MBOAT1: variants seen among roughly 807,000 people sequenced by gnomAD.
MBOAT1 encodes membrane bound glycerophospholipid O-acyltransferase 1.
Under a neutral mutation model 64.4 loss-of-function variants are expected in MBOAT1, and 67 were observed. The observed-to-expected ratio is 1.04, with a 90% CI of 0.85 to 1.27. The LOEUF is 1.27. Ranked by LOEUF, MBOAT1 falls within the 50% of genes most tolerant of loss-of-function variation. MBOAT1 has a pLI of 0.00. For synonymous variants in MBOAT1, 229 were observed against 218.9 expected, an observed-to-expected ratio of 1.05 and a Z score of -0.41; for missense variants, 563 against 604.6, an observed-to-expected ratio of 0.93 and a Z score of 0.72.
rs1311812799 is a variant in MBOAT1, at chr6:20,102,430, C to A, written c.1362-18G>T. 1.9e-6 allele frequency: 3 copies of A among 1,575,196 alleles called. No individual in the cohort carries two copies. The South Asian group carries it at 3.4e-5, about 18-fold the overall frequency. ...ACATGGACCTGGGAATAAAAATATA[C>A]AAAAATTATATTTCAAATAAGGATG... is the stretch of plus-strand genomic sequence containing the variant. On this transcript the variant is annotated intron_variant, in intron 12 of 12. Transcript: ENST00000324607.
intron 1 of MBOAT1, among the ~76,000 whole-genome samples, chr6:20,181,942 G>T (rs1762522443): frequency 6.6e-6 from 1 of 152,174 alleles, no homozygotes; most frequent in South Asian, 2.1e-4. Flanking sequence ...CAAGAGCCTG[G>T]GCTCTAGAGT....
chr6:20,211,969 AACACACACAC>A (rs57852903), intron 1 of MBOAT1, 157 bp downstream of exon 1: 6,765 of 456,860 alleles, frequency 0.015, 254 homozygotes, highest in African/African-American at 0.11. Context: ...AAGAAGGGAA[AACACACACAC>A]ACACACACAC....
intron 1 of MBOAT1, among the ~76,000 whole-genome samples, chr6:20,198,899 T>C (rs1285848145): frequency 6.6e-6 from 1 of 152,240 alleles, no homozygotes; most frequent in Non-Finnish European, 1.5e-5. Flanking sequence ...GTTGCCTCCT[T>C]ACGTATTTTA....
intron 8 of MBOAT1, among the ~76,000 whole-genome samples, chr6:20,123,606 T>TAA (rs547305319): frequency 2.2e-5 from 3 of 137,616 alleles, no homozygotes; most frequent in South Asian, 2.3e-4. Flanking sequence ...ACTTTCTACC[T>TAA]AAAAAAAAAA....
chr6:20,190,194 T>C lies in MBOAT1; in HGVS notation c.99+21942A>G, dbSNP rs141540319. 4.5e-3 allele frequency among the ~76,000 whole-genome samples: 681 copies of C among 152,122 alleles called. 6 individuals carry two copies. Among genetic ancestry groups the C allele is most frequent in the African/African-American group, 0.014 (573 of 41,520 alleles). On this transcript the variant is annotated intron_variant, in intron 1 of 12. Coordinates refer to ENST00000324607, the MANE Select transcript of MBOAT1 (RefSeq NM_001080480.3). The stretch of plus-strand genomic sequence containing the variant: ...ATTTTTAGTAGAGATGGAGTTCCAC[T>C]ATGTTGGCCAGGCTGGTCTTGATCT...
intron 12 of MBOAT1, among the ~76,000 whole-genome samples, chr6:20,106,370 T>C (rs1476748691): frequency 6.6e-6 from 1 of 152,170 alleles, no homozygotes; most frequent in Non-Finnish European, 1.5e-5. Flanking sequence ...CCACACATGT[T>C]GGGTGGCCAG....
At chr6:20,183,011 A>G (rs1272208594) in intron 1 of MBOAT1, among the ~76,000 whole-genome samples, 1 of 152,154 alleles carries the variant, frequency 6.6e-6, no homozygotes, top group African/African-American at 2.4e-5. Flanking sequence ...AAAAAGGACA[A>G]GTAATATAAA....
At position 20,207,740 on chromosome 6, in the gene MBOAT1, G is replaced by A. The variant is rs1327991584; in HGVS notation, c.99+4396C>T. ...CCAGCAAGATAACTAACAATATAAG[G>A]TAACATTTACCAAGCATCAAATGTA... On this transcript the variant is annotated intron_variant, in intron 1 of 12. Coordinates refer to ENST00000324607, the MANE Select transcript of MBOAT1 (RefSeq NM_001080480.3). 2.0e-5 allele frequency among the ~76,000 whole-genome samples: 3 copies of A among 152,150 alleles called. No individual in the cohort carries two copies. The East Asian group carries it at 5.8e-4, about 29-fold the overall frequency.
chr6:20,205,495 A>C (rs964103335), intron 1 of MBOAT1, among the ~76,000 whole-genome samples: 1 of 152,044 alleles, frequency 6.6e-6, no homozygotes, highest in Admixed American at 6.5e-5. Context: ...CATACCTGTG[A>C]TCTCTCTGTC....
chr6:20,196,012 G>T (rs1301663016), intron 1 of MBOAT1, among the ~76,000 whole-genome samples: 1 of 152,196 alleles, frequency 6.6e-6, no homozygotes, highest in Non-Finnish European at 1.5e-5. Flanking sequence ...ACCTCACAGG[G>T]ATGAGGCCCT....
At chr6:20,205,073 C>A (rs757375150) in intron 1 of MBOAT1, among the ~76,000 whole-genome samples, 1 of 152,142 alleles carries the variant, frequency 6.6e-6, no homozygotes, top group African/African-American at 2.4e-5. Context: ...GTGGTATGCA[C>A]CTTTAGTCCC....
At chr6:20,109,132 C>T (rs780879741) in intron 12 of MBOAT1, among the ~76,000 whole-genome samples, 1 of 152,128 alleles carries the variant, frequency 6.6e-6, no homozygotes, top group East Asian at 1.9e-4. Flanking sequence ...CAACATAAAT[C>T]CCCCATCAGC....
Position 20,124,467 on chromosome 6 carries a change from C to T in MBOAT1, c.848G>A (p.Cys283Tyr), listed in dbSNP as rs766387842. The part of the protein sequence containing the change: ...VHKASFPARL[C>Y]YLYVVMQASK... Reference sequence around the variant, plus strand: ...GGCTTGCATGACAACATATAAGTAGCAGAGTCGAGCCGGAAAGCTTGCTTT... The same window carrying T: ...GGCTTGCATGACAACATATAAGTAGTAGAGTCGAGCCGGAAAGCTTGCTTT... The change falls in exon 8 of 13, where the codon TGC becomes TAC. Residue 283 changes from cysteine (C) to tyrosine (Y), a missense_variant. Transcript: ENST00000324607. 2 of 1,614,156 alleles carry T rather than the reference C, an allele frequency of 1.2e-6. No individual in the cohort carries two copies. Among genetic ancestry groups the T allele is most frequent in the Non-Finnish European group, 1.7e-6 (2 of 1,180,026 alleles).
Position 20,100,496 on chromosome 6 carries a change from T to C in MBOAT1, c.*1790A>G, listed in dbSNP as rs982533648. ...GGTGAGACTCATGCACTAGCTCACA[T>C]CTACTACTTCTTAACTTCCACTGTC... On this transcript the variant is annotated 3_prime_UTR_variant, in exon 13 of 13. Transcript: ENST00000324607. Among the ~76,000 whole-genome samples, 12 of 152,174 alleles carry C rather than the reference T, an allele frequency of 7.9e-5. No individual in the cohort carries two copies. The highest frequency in any genetic ancestry group is 6.5e-4 in the Admixed American group (10 of 15,280).
intron 1 of MBOAT1, among the ~76,000 whole-genome samples, chr6:20,152,977 C>A (rs147417757): frequency 6.6e-6 from 1 of 152,090 alleles, no homozygotes; most frequent in East Asian, 1.9e-4. Flanking sequence ...GGACTACAGG[C>A]GCCCGCCACC....
chr6:20,146,420 C>A (rs1761327743), intron 3 of MBOAT1, among the ~76,000 whole-genome samples: 1 of 152,176 alleles, frequency 6.6e-6, no homozygotes, highest in Non-Finnish European at 1.5e-5. Context: ...AGTTACTATG[C>A]AGAAAAGATT....
chr6:20,210,054 A>C (rs1390265346), intron 1 of MBOAT1, among the ~76,000 whole-genome samples: 6 of 152,208 alleles, frequency 3.9e-5, no homozygotes, highest in Admixed American at 3.9e-4. Flanking sequence ...TAATTCATTA[A>C]AGTCTGTTCA....
intron 4 of MBOAT1, among the ~76,000 whole-genome samples, chr6:20,142,392 T>G (rs1363322963): frequency 2.6e-5 from 4 of 152,188 alleles, no homozygotes; most frequent in Non-Finnish European, 2.9e-5. Context: ...CCTGCCTGGC[T>G]ATTTTGTTAT....
At position 20,103,458 on chromosome 6, in the gene MBOAT1, T is replaced by A. The variant is rs922361795; in HGVS notation, c.1362-1046A>T. 3.3e-5 allele frequency among the ~76,000 whole-genome samples: 5 copies of A among 152,190 alleles called. No individual in the cohort carries two copies. In the East Asian group the frequency reaches 7.7e-4, roughly 23 times the overall value. On this transcript the variant is annotated intron_variant, in intron 12 of 12. Coordinates refer to ENST00000324607, the MANE Select transcript of MBOAT1 (RefSeq NM_001080480.3). ...TTGTTTGTTTGTTGTTGAGATGGAG[T>A]TTCACTCTTGTTGCCCAGGTTGGAG...
Sources: gnomAD v4.1 joint callset for allele counts (sites outside exome capture counted in the v4.1 genomes callset) on GRCh38, gnomAD v4.1.1 for gene constraint, MANE v1.5 for transcripts, NCBI Gene and HGNC (gene_info 2026-07-23, HGNC 2026-07-21) for gene names.